The following ADAMTSL1 variants were observed in gnomAD, a reference collection of about 807,000 sequenced individuals.
The protein encoded by ADAMTSL1 is ADAMTS-like protein 1.
ADAMTSL1 carries 126 observed loss-of-function variants against 201.8 expected under a neutral mutation model. That is an observed-to-expected ratio of 0.62 (90% CI 0.54 to 0.72). The LOEUF (loss-of-function observed/expected upper bound fraction) is 0.72, where lower values mean the gene tolerates loss of function less well. ADAMTSL1 is among the 30% of genes least tolerant of loss of function. The probability of loss-of-function intolerance (pLI) is 0.00; values close to 1 mark genes in which losing one functional copy is unlikely to be tolerated. For synonymous variants in ADAMTSL1, 1,121 were observed against 903.4 expected (o/e 1.24, Z -4.32); for missense variants, 2,679 against 2,277.8 (o/e 1.18, Z -3.59).
At chr9:18,512,119 A>G (rs1314369863) in intron 2 of ADAMTSL1, among the ~76,000 whole-genome samples, 2 of 152,194 alleles carry the variant, frequency 1.3e-5, no homozygotes, top group Non-Finnish European at 2.9e-5. Flanking sequence ...AGGAGATTGC[A>G]TATTTTGGAA....
chr9:18,126,093 TC>T (rs1329408904), intron 1 of ADAMTSL1, among the ~76,000 whole-genome samples: 13 of 152,226 alleles, frequency 8.5e-5, no homozygotes, highest in Non-Finnish European at 1.5e-4. Flanking sequence ...AGTCTAGTTT[TC>T]TCATCCTTAA....
chr9:18,135,374 C>T (rs762668183), intron 1 of ADAMTSL1, among the ~76,000 whole-genome samples: 2 of 152,042 alleles, frequency 1.3e-5, no homozygotes, highest in African/African-American at 4.8e-5. Flanking sequence ...GAATATAAGT[C>T]CAGAGGCTCA....
chr9:18,405,165 A>T (rs998262868), intron 2 of ADAMTSL1, among the ~76,000 whole-genome samples: 3 of 152,180 alleles, frequency 2.0e-5, no homozygotes, highest in African/African-American at 7.2e-5. Context: ...AGTTCCAACT[A>T]TATTGAAATT....
chr9:17,937,842 G>C (rs1486615030), intron 1 of ADAMTSL1, among the ~76,000 whole-genome samples: 1 of 152,120 alleles, frequency 6.6e-6, no homozygotes, highest in Non-Finnish European at 1.5e-5. Flanking sequence ...GGATCTTGAG[G>C]TTTGAATCAA....
chr9:18,672,032 A>G (rs1347105895), intron 9 of ADAMTSL1, among the ~76,000 whole-genome samples: 1 of 152,092 alleles, frequency 6.6e-6, no homozygotes, highest in African/African-American at 2.4e-5. Flanking sequence ...GTGAGACTCC[A>G]TCTCAAAAAA....
chr9:18,471,033 G>C (rs753659514), upstream of ADAMTSL1, among the ~76,000 whole-genome samples: 10 of 152,188 alleles, frequency 6.6e-5, no homozygotes, highest in Non-Finnish European at 1.5e-4. Flanking sequence ...CCTTTCCCCG[G>C]TTGCCATTAA....
chr9:18,205,311 A>G (rs1829603610), intron 2 of ADAMTSL1, among the ~76,000 whole-genome samples: 1 of 152,222 alleles, frequency 6.6e-6, no homozygotes, highest in Admixed American at 6.5e-5. Flanking sequence ...AGAGAAGAGA[A>G]GATCTAAGAG....
At chr9:18,515,408 C>T (rs994727167) in intron 2 of ADAMTSL1, among the ~76,000 whole-genome samples, 2 of 152,164 alleles carry the variant, frequency 1.3e-5, no homozygotes, top group Non-Finnish European at 2.9e-5. Context: ...CATCTCGGCT[C>T]ACTGCAACCT....
At chr9:18,173,589 G>C (rs1284313915) in intron 2 of ADAMTSL1, among the ~76,000 whole-genome samples, 1 of 151,986 alleles carries the variant, frequency 6.6e-6, no homozygotes, top group Non-Finnish European at 1.5e-5. Context: ...CATTTGCTAG[G>C]ATTCTGCCAT....
chr9:18,412,668 C>G (rs910992731), intron 2 of ADAMTSL1, among the ~76,000 whole-genome samples: 2 of 152,092 alleles, frequency 1.3e-5, no homozygotes, highest in Admixed American at 1.3e-4. Context: ...TGATGTGTTT[C>G]CATCCAACAG....
intron 4 of ADAMTSL1, among the ~76,000 whole-genome samples, chr9:18,578,999 A>C (rs1312228123): frequency 1.3e-5 from 2 of 151,558 alleles, no homozygotes; most frequent in East Asian, 3.9e-4. Flanking sequence ...GCATTTTTTC[A>C]TGTGTTTTTT....
At chr9:18,899,699 C>G (rs187671634) in intron 26 of ADAMTSL1, among the ~76,000 whole-genome samples, 1 of 152,250 alleles carries the variant, frequency 6.6e-6, no homozygotes, top group East Asian at 1.9e-4. Flanking sequence ...AAAGGACTCC[C>G]TACTTAATAG....
intron 1 of ADAMTSL1, among the ~76,000 whole-genome samples, chr9:17,948,277 A>G (rs566155212): frequency 1.3e-5 from 2 of 152,346 alleles, no homozygotes; most frequent in Admixed American, 6.5e-5. Context: ...CATGTTCTTC[A>G]GCAGGGCTGA....
At chr9:18,449,199 T>A (rs1820312827) in intron 2 of ADAMTSL1, among the ~76,000 whole-genome samples, 1 of 151,734 alleles carries the variant, frequency 6.6e-6, no homozygotes, top group African/African-American at 2.4e-5. Context: ...TTTTTCTGAG[T>A]TGTATGTCAA....
intron 2 of ADAMTSL1, among the ~76,000 whole-genome samples, chr9:18,382,763 A>G (rs1314642836): frequency 6.6e-6 from 1 of 151,966 alleles, no homozygotes; most frequent in Non-Finnish European, 1.5e-5. Context: ...ATTACCCCTC[A>G]GCCCAACTGA....
chr9:18,418,751 A>C (rs991923089), intron 2 of ADAMTSL1, among the ~76,000 whole-genome samples: 1 of 152,210 alleles, frequency 6.6e-6, no homozygotes, highest in African/African-American at 2.4e-5. Context: ...TTGACATAGT[A>C]ATGATGTTAA....
At chr9:18,228,846 T>G (rs546904889) in intron 2 of ADAMTSL1, among the ~76,000 whole-genome samples, 2,089 of 152,028 alleles carry the variant, frequency 0.014, 28 homozygotes, top group African/African-American at 0.034. Context: ...TTTTTTGTTT[T>G]TTTTTTTTTT....
chr9:18,091,125 A>G (rs1824000003), intron 1 of ADAMTSL1, among the ~76,000 whole-genome samples: 1 of 151,914 alleles, frequency 6.6e-6, no homozygotes, highest in Non-Finnish European at 1.5e-5. Flanking sequence ...CAATTACTGG[A>G]TATAAATTGG....
At chr9:18,473,041 C>T (rs896144985), upstream of ADAMTSL1, among the ~76,000 whole-genome samples, 8 of 152,278 alleles carry the variant, frequency 5.3e-5, no homozygotes, top group African/African-American at 1.9e-4. Context: ...CTGGCCTTGT[C>T]GTCATTTCAC....
Sources: gnomAD v4.1 joint callset for allele counts (sites outside exome capture counted in the v4.1 genomes callset) on GRCh38, gnomAD v4.1.1 for gene constraint, MANE v1.5 for transcripts, NCBI Gene and HGNC (gene_info 2026-07-23, HGNC 2026-07-21) for gene names.